Variants in ATF1 observed in about 807,000 individuals in gnomAD.
The protein encoded by ATF1 is activating transcription factor 1.
ATF1 carries 16 observed loss-of-function variants against 34.7 expected under a neutral mutation model. The observed-to-expected ratio is 0.46, with a 90% CI of 0.31 to 0.70. The LOEUF is 0.70. Ranked by LOEUF, ATF1 falls within the 30% of genes least tolerant of loss-of-function variation. The pLI is 0.05. For missense variants in ATF1, 255 were observed against 321.6 expected, an observed-to-expected ratio of 0.79 and a Z score of 1.58; for synonymous variants, 105 against 113.1, an observed-to-expected ratio of 0.93 and a Z score of 0.46.
Position 50,820,823 on chromosome 12 carries a change from A to G in ATF1, c.*1044A>G, listed in dbSNP as rs1941935201. ...GACTGCCAATATATTTTTATAGCTG[A>G]TCTTTATAAATTCTAATGTTGAGTT... On this transcript the variant is annotated 3_prime_UTR_variant, in exon 7 of 7. Transcript: ENST00000262053. 5.6e-6 allele frequency: 1 copy of G among 179,496 alleles called. No individual in the cohort carries two copies. The highest frequency in any genetic ancestry group is 1.2e-5 in the Non-Finnish European group (1 of 83,532). 11.1% of individuals were successfully genotyped at this position (179,496 alleles called of 1,614,324 possible). A position where few individuals can be genotyped will look rare whatever the true frequency, so the allele number is the denominator to read the frequency against.
chr12:50,799,630 TTGAAA>T (rs1410899489), intron 3 of ATF1, among the ~76,000 whole-genome samples: 6 of 152,094 alleles, frequency 3.9e-5, no homozygotes, highest in African/African-American at 9.7e-5. Flanking sequence ...GTGAATTTTC[TTGAAA>T]TGAAAGGTAT....
chr12:50,811,421 C>G (rs1941734846), intron 4 of ATF1, among the ~76,000 whole-genome samples: 1 of 151,828 alleles, frequency 6.6e-6, no homozygotes, highest in African/African-American at 2.4e-5. Flanking sequence ...ACATATAGGA[C>G]CTGGCATATA....
At chr12:50,798,004 C>G (rs1187181044) in intron 3 of ATF1, among the ~76,000 whole-genome samples, 1 of 151,528 alleles carries the variant, frequency 6.6e-6, no homozygotes. Flanking sequence ...ATGGAGAAAC[C>G]CTATCTCTAC....
Position 50,820,897 on chromosome 12 carries a change from C to T in ATF1, c.*1118C>T. On this transcript the variant is annotated 3_prime_UTR_variant, in exon 7 of 7. Transcript: ENST00000262053. Reference sequence around the variant, plus strand: ...ATATAGTTTAGTAAAATTTGCATCTCAAAGTATCATTTTTATATTATGGGA... The same window carrying T: ...ATATAGTTTAGTAAAATTTGCATCTTAAAGTATCATTTTTATATTATGGGA... The T allele has an allele frequency of 5.6e-6, 1 of 179,278 alleles. No individual in the cohort carries two copies. Among genetic ancestry groups the T allele is most frequent in the Non-Finnish European group, 1.2e-5 (1 of 83,434 alleles). 11.1% of individuals were successfully genotyped at this position (179,278 alleles called of 1,614,324 possible). A position where few individuals can be genotyped will look rare whatever the true frequency, so the allele number is the denominator to read the frequency against.
At chr12:50,767,957 C>G (rs1254652239) in intron 1 of ATF1, among the ~76,000 whole-genome samples, 1 of 151,572 alleles carries the variant, frequency 6.6e-6, no homozygotes, top group Non-Finnish European at 1.5e-5. Context: ...ACTGCAACCT[C>G]CGCCTCCCGA....
rs139587792 is a variant in ATF1 at position 50,800,548 on chromosome 12, AGC to A, written c.194+4541_194+4542del. On this transcript the variant is annotated intron_variant, in intron 3 of 6. Coordinates refer to ENST00000262053, the MANE Select transcript of ATF1 (RefSeq NM_005171.5). ...CCAGGCTGCACAGCAGGAGGTGAGC[AGC>A]GGGTGAGCGAGCCTTAGCACCCAAG... 4.5e-4 allele frequency among the ~76,000 whole-genome samples: 68 copies of A among 152,308 alleles called. No homozygotes were observed. In the East Asian group the frequency reaches 0.013, roughly 29 times the overall value.
chr12:50,797,580 C>G (rs1467990305), intron 3 of ATF1, among the ~76,000 whole-genome samples: 1 of 152,122 alleles, frequency 6.6e-6, no homozygotes, highest in Non-Finnish European at 1.5e-5. Flanking sequence ...CTGGGGTCAG[C>G]TCCTCAGCCT....
At chr12:50,787,282 A>G (rs1185545911) in intron 2 of ATF1, among the ~76,000 whole-genome samples, 3 of 152,178 alleles carry the variant, frequency 2.0e-5, no homozygotes, top group Non-Finnish European at 4.4e-5. Flanking sequence ...ACAGAACCAG[A>G]CTCAGGATAA....
chr12:50,820,006 G>A lies in ATF1; in HGVS notation c.*227G>A. 5.9e-6 allele frequency: 2 copies of A among 340,654 alleles called. No individual in the cohort carries two copies. The highest frequency in any genetic ancestry group is 1.9e-4 in the South Asian group (2 of 10,780). 21.1% of individuals were successfully genotyped at this position (340,654 alleles called of 1,614,324 possible). On this transcript the variant is annotated 3_prime_UTR_variant, in exon 7 of 7. Transcript: ENST00000262053. The stretch of plus-strand genomic sequence containing the variant: ...CTTTGTAGAAATTAAACATATTCAA[G>A]GAGCAAGAAATGAACTTTCAGCAGT...
intron 3 of ATF1, among the ~76,000 whole-genome samples, chr12:50,800,629 G>A (rs987848780): frequency 4.6e-5 from 7 of 152,108 alleles, no homozygotes; most frequent in East Asian, 1.9e-4. Context: ...AATGTGAACC[G>A]TGTTGTGACC....
intron 6 of ATF1, among the ~76,000 whole-genome samples, chr12:50,819,097 A>G (rs546550748): frequency 6.6e-6 from 1 of 152,374 alleles, no homozygotes; most frequent in Non-Finnish European, 1.5e-5. Context: ...AGAGAAATGA[A>G]ACCTTTCTAC....
rs559295421 is a variant in ATF1, at chr12:50,808,052, C to T, written c.195-1404C>T. Among the ~76,000 whole-genome samples, 34 of 152,162 alleles carry T rather than the reference C, an allele frequency of 2.2e-4. 1 individual carries two copies. Among genetic ancestry groups the T allele is most frequent in the Admixed American group, 7.9e-4 (12 of 15,278 alleles). ...CTTGAACTCCGGACCTCAGGTGATC[C>T]GCCTGCCTTGGCCTCCCACAGTGCT... On this transcript the variant is annotated intron_variant, in intron 3 of 6. Transcript: ENST00000262053.
intron 2 of ATF1, among the ~76,000 whole-genome samples, chr12:50,788,861 A>AT (rs944459853): frequency 2.0e-5 from 3 of 151,976 alleles, no homozygotes; most frequent in East Asian, 1.9e-4. Flanking sequence ...GTATAACTAC[A>AT]TTTTTTGCAT....
intron 3 of ATF1, chr12:50,806,541 C>T (rs936780066): frequency 9.1e-6 from 2 of 220,800 alleles, no homozygotes; most frequent in Non-Finnish European, 2.0e-5. Context: ...GGCACAGCCA[C>T]GGCAACGCCA....
chr12:50,786,116 A>G (rs369830690), intron 2 of ATF1, among the ~76,000 whole-genome samples: 2 of 152,294 alleles, frequency 1.3e-5, no homozygotes, highest in African/African-American at 4.8e-5. Context: ...AGCTAGATAT[A>G]TGAGTCTGGG....
chr12:50,797,485 C>A (rs1168491157), intron 3 of ATF1, among the ~76,000 whole-genome samples: 1 of 152,034 alleles, frequency 6.6e-6, no homozygotes, highest in Non-Finnish European at 1.5e-5. Flanking sequence ...TAAATTATTA[C>A]ATGTTTTTTT....
chr12:50,773,141 T>C (rs1940819642), intron 1 of ATF1, among the ~76,000 whole-genome samples: 1 of 152,196 alleles, frequency 6.6e-6, no homozygotes, highest in Non-Finnish European at 1.5e-5. Flanking sequence ...GATATATATG[T>C]ACATGTTCTT....
intron 2 of ATF1, among the ~76,000 whole-genome samples, chr12:50,781,898 G>C (rs1233977886): frequency 7.9e-6 from 1 of 126,700 alleles, no homozygotes; most frequent in African/African-American, 3.1e-5. Context: ...CTGGGTGACA[G>C]AGTGAGACCC....
At chr12:50,793,175 A>G (rs1941339986) in intron 2 of ATF1, among the ~76,000 whole-genome samples, 2 of 152,130 alleles carry the variant, frequency 1.3e-5, no homozygotes, top group African/African-American at 4.8e-5. Flanking sequence ...TTATATGGAA[A>G]TTTTAGTCTT....
Sources: allele counts gnomAD v4.1 joint callset (sites outside exome capture counted in the v4.1 genomes callset), GRCh38; gene constraint gnomAD v4.1.1; transcripts MANE v1.5; gene names NCBI Gene and HGNC (gene_info 2026-07-23, HGNC 2026-07-21).